Variants in NBPF12 observed in about 807,000 individuals in gnomAD.
The protein encoded by NBPF12 is NBPF member 12.
NBPF12 carries 115 observed loss-of-function variants against 146.4 expected under a neutral mutation model. The observed-to-expected ratio is 0.79, with a 90% CI of 0.68 to 0.92. The LOEUF (loss-of-function observed/expected upper bound fraction) is 0.92. NBPF12 is among the 40% of genes least tolerant of loss of function. The pLI, the probability that NBPF12 is intolerant of heterozygous loss-of-function variation, is 0.00. For synonymous variants in NBPF12, 385 were observed against 508.9 expected (o/e 0.76, Z 3.28); for missense variants, 1,205 against 1,326.8 (o/e 0.91, Z 1.43).
chr1:146,961,519 AAC>A (rs1359367045), intron 4 of NBPF12, among the ~76,000 whole-genome samples: 2 of 152,194 alleles, frequency 1.3e-5, no homozygotes, highest in African/African-American at 4.8e-5. Context: ...TTTCTAAATT[AAC>A]ACAAACTAAT....
exon 2 of NBPF12, chr1:146,951,350 C>A (rs1334342783): frequency 1.4e-5 from 9 of 629,230 alleles, no homozygotes; most frequent in Non-Finnish European, 2.5e-5. Flanking sequence ...CTTGGTAGCC[C>A]TTGAAGATAA....
At chr1:146,984,332 T>A in intron 21 of NBPF12, 147 bp downstream of exon 24, 3 of 649,270 alleles carry the variant, frequency 4.6e-6, no homozygotes, top group East Asian at 2.7e-5. Flanking sequence ...TGGTTCTCAT[T>A]AGAGTAAATG....
upstream of NBPF12, among the ~76,000 whole-genome samples, chr1:146,947,262 G>A (rs1408214692): frequency 6.6e-6 from 1 of 151,832 alleles, no homozygotes; most frequent in Non-Finnish European, 1.5e-5. Context: ...CTAGTAATCT[G>A]TCAATATCAT....
chr1:146,994,587 T>C (rs1319487274), exon 34 of NBPF12: 4 of 1,607,056 alleles, frequency 2.5e-6, no homozygotes, highest in African/African-American at 2.7e-5. Flanking sequence ...CAGCCCTTAC[T>C]AAGCCGAGAG....
In NBPF12 at chr1:146,972,086, T is replaced by TCAA. The variant is rs1400301498; in HGVS notation, c.1592-665_1592-664insCAA. ...CTGGGAGACAGAGCGAGACTCCATC[T>TCAA]AAAAAAAAAAAAAAAAAGTAAGTCT... is the stretch of plus-strand genomic sequence containing the variant. On this transcript the variant is annotated intron_variant, in intron 13 of 33. Transcript: ENST00000617844. 3.3e-5 allele frequency among the ~76,000 whole-genome samples: 4 copies of TCAA among 120,986 alleles called. 1 individual carries two copies. The highest frequency in any genetic ancestry group is 8.5e-5 in the Admixed American group (1 of 11,732). The allele number at this position is 120,986 out of a possible 152,430, so 79.4% of individuals were successfully genotyped here. A position where few individuals can be genotyped will look rare whatever the true frequency, so the allele number is the denominator to read the frequency against.
At chr1:146,994,527 G>A (rs1559533918) in exon 34 of NBPF12, 2 of 1,609,628 alleles carry the variant, frequency 1.2e-6, no homozygotes, top group Non-Finnish European at 1.7e-6. Context: ...CTTTGACGGT[G>A]ACAAGTCTCC....
chr1:146,953,183 C>T (rs1160395602), intron 2 of NBPF12, among the ~76,000 whole-genome samples: 5 of 127,882 alleles, frequency 3.9e-5, no homozygotes, highest in Admixed American at 9.0e-5. Context: ...AGAGACAAGG[C>T]GGGAGGGATT....
intron 5 of NBPF12, among the ~76,000 whole-genome samples, chr1:146,962,866 A>T (rs1207262579): frequency 1.9e-4 from 29 of 151,542 alleles, no homozygotes; most frequent in Middle Eastern, 3.4e-3. Context: ...CAGAAGAGAA[A>T]GATGAATGGA....
chr1:146,976,789 C>A (rs1329944856), intron 16 of NBPF12, 140 bp from the exon 20 acceptor site: 1 of 573,010 alleles, frequency 1.7e-6, no homozygotes, highest in Non-Finnish European at 3.1e-6. Flanking sequence ...CCAGGGCATT[C>A]TGTTAAAGAT....
upstream of NBPF12, among the ~76,000 whole-genome samples, chr1:146,946,512 C>CTTTTTTTTTT (rs3071268): frequency 4.9e-5 from 2 of 41,042 alleles, no homozygotes; most frequent in East Asian, 1.3e-3. Flanking sequence ...GATCTTTCAC[C>CTTTTTTTTTT]TTTTTTTTTT....
upstream of NBPF12, among the ~76,000 whole-genome samples, chr1:146,944,672 A>G (rs1487772272): frequency 5.3e-5 from 8 of 151,804 alleles, no homozygotes; most frequent in Non-Finnish European, 8.8e-5. Flanking sequence ...GAAACAGTAT[A>G]TAGTTTTACA....
chr1:146,976,771 A>C (rs1223805218), intron 16 of NBPF12, among the ~76,000 whole-genome samples, 158 bp from the exon 20 acceptor site: 1 of 150,162 alleles, frequency 6.7e-6, no homozygotes, highest in Non-Finnish European at 1.5e-5. Flanking sequence ...ATGGACCAGG[A>C]AACCATGCCA....
intron 21 of NBPF12, among the ~76,000 whole-genome samples, chr1:146,984,423 G>T (rs1657590114): frequency 1.3e-5 from 2 of 148,604 alleles, no homozygotes; most frequent in Admixed American, 6.8e-5. Context: ...GTATTCTCAT[G>T]GTGACTGCAG....
chr1:146,984,688 A>C, intron 21 of NBPF12, 125 bp from the exon 25 acceptor site: 1 of 730,936 alleles, frequency 1.4e-6, no homozygotes, highest in South Asian at 1.4e-5. Flanking sequence ...ATAATTTGTT[A>C]CCTCATTAAT....
chr1:146,995,840 C>T (rs1176959201), exon 34 of NBPF12: 17 of 149,264 alleles, frequency 1.1e-4, no homozygotes, highest in South Asian at 4.2e-4. Flanking sequence ...CTTGGGAAAG[C>T]GGTTTTCAAG....
chr1:146,968,850 C>CTTTTG (rs1656375892), intron 10 of NBPF12, among the ~76,000 whole-genome samples: 1 of 151,356 alleles, frequency 6.6e-6, no homozygotes, highest in Non-Finnish European at 1.5e-5. Context: ...TCAGTATACT[C>CTTTTG]AAAATGGTGT....
chr1:146,986,053 T>A (rs1249883138), intron 23 of NBPF12, among the ~76,000 whole-genome samples: 1 of 151,942 alleles, frequency 6.6e-6, no homozygotes, highest in African/African-American at 2.4e-5. Flanking sequence ...CACTGTTCAC[T>A]GTGTGTCCCG....
At chr1:146,944,283 C>T (rs1250555918) in intron 2 of NBPF12, among the ~76,000 whole-genome samples, 30 of 136,772 alleles carry the variant, frequency 2.2e-4, no homozygotes, top group Middle Eastern at 3.7e-3. Context: ...GAGTAAATCT[C>T]AGGTCACTAC....
chr1:146,951,814 A>G (rs1262024347), intron 2 of NBPF12: 1 of 227,470 alleles, frequency 4.4e-6, no homozygotes, highest in Non-Finnish European at 8.7e-6. Context: ...ATGTACATAG[A>G]AAATGAGCAA....
Sources: allele counts gnomAD v4.1 joint callset (sites outside exome capture counted in the v4.1 genomes callset), GRCh38; gene constraint gnomAD v4.1.1; transcripts MANE v1.5; gene names NCBI Gene and HGNC (gene_info 2026-07-23, HGNC 2026-07-21).